Variants in PIP5K1C observed in about 807,000 individuals in gnomAD.
The protein encoded by PIP5K1C is phosphatidylinositol 4-phosphate 5-kinase type-1 gamma.
Under a neutral mutation model 80.1 loss-of-function variants are expected in PIP5K1C, and 45 were observed. The observed-to-expected ratio is 0.56, with a 90% CI of 0.44 to 0.72. The LOEUF is 0.72. PIP5K1C is among the 30% of genes least tolerant of loss of function. The pLI is 0.00. For missense variants in PIP5K1C, 753 were observed against 954.6 expected (o/e 0.79, Z 2.78); for synonymous variants, 498 against 420.1 (o/e 1.19, Z -2.27).
Position 3,637,579 on chromosome 19 carries a change from C to A in PIP5K1C, c.1920+1305G>T. 8.0e-7 allele frequency: 1 copy of A among 1,251,142 alleles called. No individual in the cohort carries two copies. Among genetic ancestry groups the A allele is most frequent in the Middle Eastern group, 2.2e-4 (1 of 4,612 alleles). 77.5% of individuals were successfully genotyped at this position (1,251,142 alleles called of 1,614,324 possible). A position where few individuals can be genotyped will look rare whatever the true frequency, so the allele number is the denominator to read the frequency against. On this transcript the variant is annotated intron_variant, in intron 16 of 17. Coordinates refer to ENST00000335312, the MANE Select transcript of PIP5K1C (RefSeq NM_012398.3). The surrounding 1 kb of genome is among the most constrained non-coding windows in gnomAD (Gnocchi z 7.0). The stretch of plus-strand genomic sequence containing the variant: ...CGTCACGGCCCGCAGTCGGCGATGG[C>A]GGGGAGAGTAAATCCAGTACCTCCC...
Position 3,655,238 on chromosome 19 carries a change from G to A in PIP5K1C, c.621+1167C>T, listed in dbSNP as rs545623545. ...TCGAGACCATCCTGGCTAACACGGT[G>A]AAACCATGTCTCTACTAAAAATATA... On this transcript the variant is annotated intron_variant, in intron 6 of 17. Transcript: ENST00000335312. 2.6e-5 allele frequency among the ~76,000 whole-genome samples: 4 copies of A among 151,670 alleles called. No homozygotes were observed. In the East Asian group the frequency reaches 7.8e-4, roughly 30 times the overall value.
rs1568365998 is a variant in PIP5K1C, at chr19:3,696,707, CGGGAGGGCAGGGAGGGCAGAGTGCGGAG to C, written c.94+3562_94+3589del. Among the ~76,000 whole-genome samples, 1 of 105,706 alleles carries C rather than the reference CGGGAGGGCAGGGAGGGCAGAGTGCGGAG, an allele frequency of 9.5e-6. No individual in the cohort carries two copies. The highest frequency in any genetic ancestry group is 3.1e-5 in the African/African-American group (1 of 32,682). The allele number at this position is 105,706 out of a possible 152,430, so 69.3% of individuals were successfully genotyped here. ...CCATGGGCCTACAGCAGAGTGCAGA[CGGGAGGGCAGGGAGGGCAGAGTGCGGAG>C]GGGAGGGCAGGGAGGGCAGGGAGGG... is the stretch of plus-strand genomic sequence containing the variant. On this transcript the variant is annotated intron_variant, in intron 1 of 17. Transcript: ENST00000335312. This position sits in a 1 kb window ranked among gnomAD's most constrained non-coding sequence, Gnocchi z 4.1.
rs555757940 is a variant in PIP5K1C at position 3,685,965 on chromosome 19, G to A, written c.94+14332C>T. On this transcript the variant is annotated intron_variant, in intron 1 of 17. Coordinates refer to ENST00000335312, the MANE Select transcript of PIP5K1C (RefSeq NM_012398.3). The stretch of plus-strand genomic sequence containing the variant: ...CAGCCTCCAACTCCTGGGCTCAAGC[G>A]ACCGTCCTGCCTCAGCCTCCTGAGT... Among the ~76,000 whole-genome samples, 11 of 151,678 alleles carry A rather than the reference G, an allele frequency of 7.3e-5. No individual in the cohort carries two copies. In the South Asian group the frequency reaches 8.4e-4, roughly 12 times the overall value.
intron 12 of PIP5K1C, among the ~76,000 whole-genome samples, chr19:3,643,589 G>T (rs1325914446): frequency 6.6e-6 from 1 of 151,908 alleles, no homozygotes; most frequent in African/African-American, 2.4e-5. Flanking sequence ...AATCCAGACA[G>T]CCCAGAGGGC....
chr19:3,638,429 C>T (rs566100424), intron 16 of PIP5K1C, among the ~76,000 whole-genome samples: 5 of 152,358 alleles, frequency 3.3e-5, no homozygotes, highest in South Asian at 4.1e-4. Flanking sequence ...GCCACGCCCA[C>T]GGCAACAGGG....
chr19:3,697,524 G>A lies in PIP5K1C; in HGVS notation c.94+2773C>T, dbSNP rs151081250. 3.8e-3 allele frequency among the ~76,000 whole-genome samples: 585 copies of A among 152,020 alleles called. 5 individuals are homozygous for A. The highest frequency in any genetic ancestry group is 0.013 in the African/African-American group (555 of 41,476). ...GACCAGGGAGGACCAAGCTGGACCC[G>A]GGAGGACCAAGCTGGACCCGGGAGA... On this transcript the variant is annotated intron_variant, in intron 1 of 17. Coordinates refer to ENST00000335312, the MANE Select transcript of PIP5K1C (RefSeq NM_012398.3).
rs559879875 is a variant in PIP5K1C, at chr19:3,634,654, C to T, written c.1921-1134G>A. 3.5e-3 allele frequency among the ~76,000 whole-genome samples: 529 copies of T among 152,386 alleles called. 1 individual carries two copies. Among genetic ancestry groups the T allele is most frequent in the Non-Finnish European group, 5.8e-3 (394 of 68,036 alleles). On this transcript the variant is annotated intron_variant, in intron 16 of 17. Transcript: ENST00000335312. ...GCCAACCCATGCCTCTGCCAGCTCC[C>T]AGTTGCCCAGCCTGGGCCAGCAGGG...
intron 1 of PIP5K1C, among the ~76,000 whole-genome samples, chr19:3,689,885 C>A (rs899522818): frequency 1.3e-4 from 20 of 152,154 alleles, no homozygotes; most frequent in African/African-American, 4.6e-4. Context: ...AAAACGTTAG[C>A]AGCTGGTGGA....
At chr19:3,697,950 A>G (rs1448588610) in intron 1 of PIP5K1C, among the ~76,000 whole-genome samples, 1 of 152,268 alleles carries the variant, frequency 6.6e-6, no homozygotes, top group African/African-American at 2.4e-5. Context: ...AGGCAATTAG[A>G]GGAACCAAAT....
At chr19:3,653,719 T>G in intron 6 of PIP5K1C, 130 bp from the exon 7 acceptor site, 1 of 842,350 alleles carries the variant, frequency 1.2e-6, no homozygotes, top group Non-Finnish European at 1.8e-6. Context: ...CCAGAAGCCC[T>G]CGGGGACCCC....
chr19:3,662,061 T>G, intron 3 of PIP5K1C, 60 bp from the exon 4 acceptor site: 2 of 1,523,288 alleles, frequency 1.3e-6, no homozygotes, highest in Non-Finnish European at 1.8e-6. Context: ...CTGCACCCCC[T>G]GTGTGCACCG....
chr19:3,694,046 A>G (rs936661208), intron 1 of PIP5K1C, among the ~76,000 whole-genome samples: 1 of 152,002 alleles, frequency 6.6e-6, no homozygotes, highest in African/African-American at 2.4e-5. Context: ...CCCTGTCTCT[A>G]CTAAAAATAC....
In PIP5K1C at chr19:3,651,718, G is replaced by A; in HGVS notation, c.1127+108C>T. 6 of 1,107,798 alleles carry A rather than the reference G, an allele frequency of 5.4e-6. 1 individual carries two copies. The allele number at this position is 1,107,798 out of a possible 1,614,324, so 68.6% of individuals were successfully genotyped here. ...CAGACTCTGTCTGTCACCCACGCAT[G>A]CCCTCGCCAGCCCTCCCTGCCTGTT... On this transcript the variant is annotated intron_variant, in intron 8 of 17. Transcript: ENST00000335312.
chr19:3,643,979 G>A, intron 12 of PIP5K1C, 108 bp downstream of exon 12: 13 of 1,336,862 alleles, frequency 9.7e-6, no homozygotes, highest in Non-Finnish European at 1.4e-5. Flanking sequence ...AGATCCGGAG[G>A]GGGTGGCTGA....
intron 6 of PIP5K1C, among the ~76,000 whole-genome samples, chr19:3,655,982 G>A (rs1347461836): frequency 6.6e-6 from 1 of 152,222 alleles, no homozygotes; most frequent in Non-Finnish European, 1.5e-5. Flanking sequence ...GTCTTTTGTG[G>A]GGTACCATCT....
At chr19:3,647,630 G>A (rs1016267626) in intron 9 of PIP5K1C, among the ~76,000 whole-genome samples, 3 of 152,124 alleles carry the variant, frequency 2.0e-5, no homozygotes, top group African/African-American at 4.8e-5. Flanking sequence ...CCATAGTACC[G>A]AGGGGGTGAC....
chr19:3,699,211 A>C (rs1483713933), intron 1 of PIP5K1C, among the ~76,000 whole-genome samples: 1 of 151,710 alleles, frequency 6.6e-6, no homozygotes, highest in East Asian at 1.9e-4. Context: ...TGGCCAGGCC[A>C]GGACACCGGC....
intron 1 of PIP5K1C, among the ~76,000 whole-genome samples, chr19:3,670,728 C>T (rs1375296945): frequency 3.3e-5 from 5 of 152,080 alleles, no homozygotes; most frequent in South Asian, 2.1e-4. Flanking sequence ...GTCCTCCCCT[C>T]GGGCCACCTG....
Position 3,700,416 on chromosome 19 carries a change from C to A in PIP5K1C, c.-26G>T, listed in dbSNP as rs2036263466. 23 of 1,074,756 alleles carry A rather than the reference C, an allele frequency of 2.1e-5. No homozygotes were observed. Among genetic ancestry groups the A allele is most frequent in the Non-Finnish European group, 2.4e-5 (21 of 886,886 alleles). The allele number at this position is 1,074,756 out of a possible 1,614,324, so 66.6% of individuals were successfully genotyped here. A position where few individuals can be genotyped will look rare whatever the true frequency, so the allele number is the denominator to read the frequency against. On this transcript the variant is annotated 5_prime_UTR_variant, in exon 1 of 18. Coordinates refer to ENST00000335312, the MANE Select transcript of PIP5K1C (RefSeq NM_012398.3). The stretch of plus-strand genomic sequence containing the variant: ...GGCCGCGCGCGGACGGCGGCGGGGG[C>A]GCCCGAGGGGGACCCGAGCTGCGAC...
Sources: gnomAD v4.1 joint callset for allele counts (sites outside exome capture counted in the v4.1 genomes callset) on GRCh38, gnomAD v4.1.1 for gene constraint, Gnocchi (gnomAD v3.1) non-coding constraint, MANE v1.5 for transcripts, NCBI Gene and HGNC (gene_info 2026-07-23, HGNC 2026-07-21) for gene names.